GCH1: variants seen among roughly 807,000 people sequenced by gnomAD.
The protein encoded by GCH1 is GTP cyclohydrolase 1, also known as GTP cyclohydrolase I.
GCH1 carries 5 observed loss-of-function variants against 25.9 expected under a neutral mutation model. The ratio of observed to expected loss-of-function variants is 0.19; its 90% CI spans 0.10 to 0.41. The LOEUF (loss-of-function observed/expected upper bound fraction) is 0.41, where lower values mean the gene tolerates loss of function less well. Among genes scored for constraint, GCH1 ranks in the 10% least tolerant of loss-of-function variants. The probability of loss-of-function intolerance (pLI) is 1.00; values close to 1 mark genes in which losing one functional copy is unlikely to be tolerated. For missense variants in GCH1, 261 were observed against 336.5 expected (o/e 0.78, Z 1.75); for synonymous variants, 159 against 129.6 (o/e 1.23, Z -1.54).
At chr14:54,848,451 A>G (rs2039677921) in intron 3 of GCH1, among the ~76,000 whole-genome samples, 1 of 152,138 alleles carries the variant, frequency 6.6e-6, no homozygotes, top group African/African-American at 2.4e-5. Flanking sequence ...TTCCCCTTTC[A>G]ACATCTTTCA....
intron 1 of GCH1, among the ~76,000 whole-genome samples, chr14:54,866,054 T>C (rs2039985268): frequency 6.6e-6 from 1 of 151,784 alleles, no homozygotes; most frequent in African/African-American, 2.4e-5. Context: ...CTTTGGAAGA[T>C]AAGCAGTGTC....
rs189940202 is a variant in GCH1 at position 54,866,322 on chromosome 14, A to T, written c.344-886T>A. Among the ~76,000 whole-genome samples the T allele has an allele frequency of 1.7e-3, 255 of 152,246 alleles. 1 individual carries two copies. The highest frequency in any genetic ancestry group is 4.8e-3 in the South Asian group (23 of 4,830). ...CCACCAATCATAATATAGCCAAGCT[A>T]TTGATAATAGGCAGGTACCCAAACA... is the stretch of plus-strand genomic sequence containing the variant. On this transcript the variant is annotated intron_variant, in intron 1 of 5. Coordinates refer to ENST00000491895, the MANE Select transcript of GCH1 (RefSeq NM_000161.3).
chr14:54,882,560 T>C (rs936845554), intron 1 of GCH1, among the ~76,000 whole-genome samples: 2 of 152,192 alleles, frequency 1.3e-5, no homozygotes, highest in African/African-American at 4.8e-5. Flanking sequence ...CCAAATTTAG[T>C]TTTTTAACTG....
intron 1 of GCH1, among the ~76,000 whole-genome samples, chr14:54,891,479 A>G (rs1261197944): frequency 7.0e-6 from 1 of 142,382 alleles, no homozygotes; most frequent in Non-Finnish European, 1.5e-5. Flanking sequence ...GTGCAATCCC[A>G]GTTCACTGCA....
intron 2 of GCH1, among the ~76,000 whole-genome samples, chr14:54,862,326 C>T (rs544481202): frequency 5.9e-5 from 9 of 151,324 alleles, no homozygotes; most frequent in Admixed American, 1.3e-4. Flanking sequence ...CCACCTCACT[C>T]GGCCCTGATG....
chr14:54,855,309 C>A (rs573519114), intron 3 of GCH1, among the ~76,000 whole-genome samples: 1 of 152,044 alleles, frequency 6.6e-6, no homozygotes, highest in African/African-American at 2.4e-5. Context: ...AGTTCAAGAC[C>A]AGTCTTGCCA....
intron 1 of GCH1, among the ~76,000 whole-genome samples, chr14:54,881,902 C>T (rs2040278230): frequency 2.6e-5 from 4 of 152,186 alleles, no homozygotes; most frequent in Admixed American, 2.6e-4. Flanking sequence ...ATGTTTCCTT[C>T]AGCCAACCCA....
Position 54,901,557 on chromosome 14 carries a change from CG to C in GCH1, c.343+763del, listed in dbSNP as rs1407954299. ...GGCTTTATTTTAGGGTGGGAGGGTG[CG>C]GGGATGAGACTGAGTCCTGGAACCC... On this transcript the variant is annotated intron_variant, in intron 1 of 5. Transcript: ENST00000491895. 3.5e-5 allele frequency among the ~76,000 whole-genome samples: 5 copies of C among 144,078 alleles called. No homozygotes were observed. In the East Asian group the frequency reaches 9.6e-4, roughly 28 times the overall value. The allele number at this position is 144,078 out of a possible 152,430, so 94.5% of individuals were successfully genotyped here.
At chr14:54,847,699 T>A (rs1474731492) in intron 3 of GCH1, among the ~76,000 whole-genome samples, 1 of 151,798 alleles carries the variant, frequency 6.6e-6, no homozygotes, top group Non-Finnish European at 1.5e-5. Flanking sequence ...ATTAGTTCTG[T>A]CCCTCTAGGG....
chr14:54,870,428 G>A lies in GCH1; in HGVS notation c.344-4992C>T, dbSNP rs1010259722. 3.3e-5 allele frequency among the ~76,000 whole-genome samples: 5 copies of A among 150,274 alleles called. No individual in the cohort carries two copies. In the East Asian group the frequency reaches 8.0e-4, roughly 24 times the overall value. ...GTCTACAGCTCCCAGTGTGAGCAAC[G>A]CATAAGACGGGTGATTTCTGCATTT... On this transcript the variant is annotated intron_variant, in intron 1 of 5. Transcript: ENST00000491895.
intron 1 of GCH1, chr14:54,885,315 CT>C: frequency 4.3e-6 from 1 of 232,758 alleles, no homozygotes; most frequent in Non-Finnish European, 8.9e-6. Context: ...ATTTGTACCT[CT>C]TTTCAGTGAA....
chr14:54,881,432 A>G (rs2040271162), intron 1 of GCH1, among the ~76,000 whole-genome samples: 2 of 152,202 alleles, frequency 1.3e-5, no homozygotes, highest in African/African-American at 4.8e-5. Flanking sequence ...AAGTAAGAGC[A>G]TGTTAAAACA....
Position 54,858,800 on chromosome 14 carries a change from A to T in GCH1, c.509+881T>A, listed in dbSNP as rs182029591. 1.9e-3 allele frequency among the ~76,000 whole-genome samples: 285 copies of T among 152,326 alleles called. 4 individuals are homozygous for T. The highest frequency in any genetic ancestry group is 0.014 in the Admixed American group (221 of 15,296). On this transcript the variant is annotated intron_variant, in intron 3 of 5. Transcript: ENST00000491895. ...AACTTTATACGAAGAAACAACAAGG[A>T]TATTTAAGGGCAATAAAATATTGGT...
At chr14:54,857,545 T>TCCC (rs199540452) in intron 3 of GCH1, among the ~76,000 whole-genome samples, 2,303 of 152,352 alleles carry the variant, frequency 0.015, 30 homozygotes, top group South Asian at 0.047. Context: ...AGTGCTGGAA[T>TCCC]TTCTATATGG....
chr14:54,863,410 A>C (rs1211104174), intron 2 of GCH1, among the ~76,000 whole-genome samples: 3 of 121,416 alleles, frequency 2.5e-5, no homozygotes, highest in African/African-American at 6.3e-5. Flanking sequence ...CGACAGAGCG[A>C]GACTCCGTCT....
chr14:54,885,980 C>A, intron 1 of GCH1: 1 of 272,032 alleles, frequency 3.7e-6, no homozygotes. Context: ...AGACTATCAG[C>A]ATCCTGTTTC....
intron 1 of GCH1, among the ~76,000 whole-genome samples, chr14:54,878,706 AGTTAAACATAGATCTTCTGT>A (rs1202267117): frequency 6.6e-6 from 1 of 152,204 alleles, no homozygotes; most frequent in African/African-American, 2.4e-5. Context: ...ACAAAGCTGG[AGTTAAACATAGATCTTCTGT>A]GTTTATTCAA....
intron 1 of GCH1, among the ~76,000 whole-genome samples, chr14:54,896,265 A>G (rs1215216670): frequency 1.3e-5 from 2 of 152,134 alleles, no homozygotes; most frequent in Non-Finnish European, 2.9e-5. Context: ...CACTTGACTC[A>G]TGCTCTCTAA....
rs183338561 is a variant in GCH1, at chr14:54,874,597, T to A, written c.344-9161A>T. Among the ~76,000 whole-genome samples, 239 of 152,290 alleles carry A rather than the reference T, an allele frequency of 1.6e-3. 2 individuals carry two copies. The highest frequency in any genetic ancestry group is 5.5e-3 in the African/African-American group (227 of 41,552). On this transcript the variant is annotated intron_variant, in intron 1 of 5. Coordinates refer to ENST00000491895, the MANE Select transcript of GCH1 (RefSeq NM_000161.3). ...ATGATTGTATATCTAGAAAACCCCA[T>A]TGTCTCAGCTCAAAATCTCCTTAAG...
Sources: gnomAD v4.1 joint callset for allele counts (sites outside exome capture counted in the v4.1 genomes callset) on GRCh38, gnomAD v4.1.1 for gene constraint, MANE v1.5 for transcripts, NCBI Gene and HGNC (gene_info 2026-07-23, HGNC 2026-07-21) for gene names.